CRPPA: variants seen among roughly 807,000 people sequenced by gnomAD.
CRPPA encodes CDP-L-ribitol pyrophosphorylase A.
A neutral mutation model predicts 52.0 loss-of-function variants in CRPPA; 43 were observed. The observed-to-expected ratio is 0.83, with a 90% CI of 0.65 to 1.07. The LOEUF (loss-of-function observed/expected upper bound fraction) is 1.07. Ranked by LOEUF, CRPPA falls within the 50% of genes least tolerant of loss-of-function variation. The pLI, the probability that CRPPA is intolerant of heterozygous loss-of-function variation, is 0.00. For missense variants in CRPPA, 629 were observed against 551.7 expected, an observed-to-expected ratio of 1.14 and a Z score of -1.40; for synonymous variants, 250 against 203.5, an observed-to-expected ratio of 1.23 and a Z score of -1.94.
chr7:16,209,248 G>A (rs997457141), intron 9 of CRPPA: 2 of 256,906 alleles, frequency 7.8e-6, no homozygotes, highest in Non-Finnish European at 1.5e-5. Flanking sequence ...GAAGAGACAC[G>A]GCCAAGTAAT....
intron 3 of CRPPA, among the ~76,000 whole-genome samples, chr7:16,322,985 A>G (rs187340482): frequency 8.7e-4 from 132 of 152,174 alleles, no homozygotes; most frequent in African/African-American, 2.8e-3. Context: ...AAACCATCAT[A>G]TCTCATGAGA....
intron 8 of CRPPA, among the ~76,000 whole-genome samples, chr7:16,250,356 T>C (rs1783411851): frequency 3.3e-5 from 5 of 152,046 alleles, no homozygotes. Context: ...AACATTCAAA[T>C]TCAGGAAATA....
chr7:16,406,838 T>A (rs1003724443), intron 1 of CRPPA, among the ~76,000 whole-genome samples: 1 of 152,206 alleles, frequency 6.6e-6, no homozygotes, highest in Admixed American at 6.5e-5. Context: ...ACACAAGCCT[T>A]GCTAAATACG....
intron 4 of CRPPA, among the ~76,000 whole-genome samples, chr7:16,304,230 C>G (rs1312854227): frequency 6.6e-6 from 1 of 152,080 alleles, no homozygotes; most frequent in East Asian, 1.9e-4. Flanking sequence ...GATCCCTACT[C>G]CCAGAACCAG....
At chr7:16,197,458 C>T (rs1309498840) in intron 9 of CRPPA, among the ~76,000 whole-genome samples, 4 of 152,024 alleles carry the variant, frequency 2.6e-5, no homozygotes, top group Admixed American at 2.6e-4. Flanking sequence ...TGGCCTCAGC[C>T]TCCAGGGTAG....
rs990740417 is a variant in CRPPA, at chr7:16,421,278, ACCCGGCTCC to A, written c.36_44del (p.Glu13_Gly15del). ...CGCCGCGCTGACCACTCAGGCAAGGACCCGGCTCCGCCGGCCTGGCGCTGCCCGGCGGCC... is the reference window on the plus strand; with the variant it reads ...CGCCGCGCTGACCACTCAGGCAAGGAGCCGGCCTGGCGCTGCCCGGCGGCC... On this transcript the variant is annotated inframe_deletion, in exon 1 of 10. Coordinates refer to ENST00000407010, the MANE Select transcript of CRPPA (RefSeq NM_001101426.4). The A allele has an allele frequency of 7.8e-7, 1 of 1,280,274 alleles. No individual in the cohort carries two copies. Among genetic ancestry groups the A allele is most frequent in the Admixed American group, 4.2e-5 (1 of 24,092 alleles). 79.3% of individuals were successfully genotyped at this position (1,280,274 alleles called of 1,614,324 possible). A position where few individuals can be genotyped will look rare whatever the true frequency, so the allele number is the denominator to read the frequency against.
chr7:16,186,889 C>T (rs1240798991), intron 9 of CRPPA, among the ~76,000 whole-genome samples: 1 of 152,104 alleles, frequency 6.6e-6, no homozygotes, highest in Admixed American at 6.5e-5. Context: ...TCAATGCATT[C>T]AACGTTTGTT....
chr7:16,157,067 T>G (rs1783197283), intron 9 of CRPPA, among the ~76,000 whole-genome samples: 1 of 152,178 alleles, frequency 6.6e-6, no homozygotes, highest in African/African-American at 2.4e-5. Flanking sequence ...GCCCTTAACT[T>G]AATTCCTTTG....
Position 16,259,141 on chromosome 7 carries a change from A to AT in CRPPA, c.934-130_934-129insA, listed in dbSNP as rs5882563. On this transcript the variant is annotated intron_variant, in intron 6 of 9. Transcript: ENST00000407010. Reference sequence around the variant, plus strand: ...GACCATATATTTTTTAAAAAAATGAAACATGCTGAAGTTCATCAGGCTATC... The same window carrying AT: ...GACCATATATTTTTTAAAAAAATGAATACATGCTGAAGTTCATCAGGCTATC... The AT allele has an allele frequency of 0.75, 403,566 of 541,436 alleles. 152,879 individuals are homozygous for AT. The highest frequency in any genetic ancestry group is 0.94 in the African/African-American group (48,000 of 51,202). The allele number at this position is 541,436 out of a possible 1,614,324, so 33.5% of individuals were successfully genotyped here.
At chr7:16,242,373 G>A (rs1283722599) in intron 8 of CRPPA, among the ~76,000 whole-genome samples, 2 of 151,952 alleles carry the variant, frequency 1.3e-5, no homozygotes, top group African/African-American at 2.4e-5. Flanking sequence ...ATTACTTAAT[G>A]AACAAAAACA....
chr7:16,213,820 A>G, intron 9 of CRPPA, among the ~76,000 whole-genome samples: 1 of 152,112 alleles, frequency 6.6e-6, no homozygotes, highest in Admixed American at 6.6e-5. Flanking sequence ...TTTAAGTATT[A>G]AACTATGAAA....
intron 6 of CRPPA, among the ~76,000 whole-genome samples, chr7:16,261,405 C>G (rs1471305711): frequency 1.3e-5 from 2 of 152,004 alleles, no homozygotes; most frequent in Non-Finnish European, 2.9e-5. Context: ...TAGTCTAGGT[C>G]TGGTCAATCA....
At chr7:16,253,488 G>A (rs185817108) in intron 8 of CRPPA, among the ~76,000 whole-genome samples, 1 of 151,988 alleles carries the variant, frequency 6.6e-6, no homozygotes, top group African/African-American at 2.4e-5. Flanking sequence ...TACGATTTCT[G>A]TTCTTTTACA....
chr7:16,335,530 C>T (rs1393612953), intron 3 of CRPPA, among the ~76,000 whole-genome samples: 5 of 152,098 alleles, frequency 3.3e-5, no homozygotes, highest in Admixed American at 3.3e-4. Flanking sequence ...CAACAGCAGA[C>T]ATGATCAAAC....
chr7:16,310,160 G>T (rs111318446), intron 3 of CRPPA, among the ~76,000 whole-genome samples: 7 of 152,170 alleles, frequency 4.6e-5, no homozygotes, highest in Middle Eastern at 3.4e-3. Flanking sequence ...CCATGGGGGG[G>T]TTATAGTTAT....
intron 8 of CRPPA, among the ~76,000 whole-genome samples, chr7:16,251,693 C>A (rs1334757201): frequency 1.3e-5 from 2 of 152,258 alleles, no homozygotes; most frequent in Admixed American, 6.5e-5. Context: ...AACCAAGACA[C>A]AACATACCAG....
intron 3 of CRPPA, among the ~76,000 whole-genome samples, chr7:16,365,695 G>A (rs1326785777): frequency 1.3e-5 from 2 of 152,150 alleles, no homozygotes; most frequent in African/African-American, 4.8e-5. Flanking sequence ...AGGCCTAAGT[G>A]TGAAATGGAA....
intron 2 of CRPPA, among the ~76,000 whole-genome samples, chr7:16,393,218 A>C (rs925840813): frequency 6.6e-6 from 1 of 152,200 alleles, no homozygotes; most frequent in Non-Finnish European, 1.5e-5. Flanking sequence ...GGAAACATTA[A>C]AAATTACCTA....
At chr7:16,206,936 G>C (rs1040717731) in intron 9 of CRPPA, among the ~76,000 whole-genome samples, 1 of 152,100 alleles carries the variant, frequency 6.6e-6, no homozygotes, top group Non-Finnish European at 1.5e-5. Context: ...TTCCTTACCA[G>C]TTGTCAAAGG....
Sources: gnomAD v4.1 joint callset for allele counts (sites outside exome capture counted in the v4.1 genomes callset) on GRCh38, gnomAD v4.1.1 for gene constraint, MANE v1.5 for transcripts, NCBI Gene and HGNC (gene_info 2026-07-23, HGNC 2026-07-21) for gene names.